SKAP1: variants seen among roughly 807,000 people sequenced by gnomAD.
SKAP1 encodes the protein src kinase associated phosphoprotein 1.
Under a neutral mutation model 58.5 loss-of-function variants are expected in SKAP1, and 44 were observed. The observed-to-expected ratio is 0.75, with a 90% confidence interval of 0.59 to 0.97. The LOEUF (loss-of-function observed/expected upper bound fraction) is 0.97, where lower values mean the gene tolerates loss of function less well. Ranked by LOEUF, SKAP1 falls within the 50% of genes least tolerant of loss-of-function variation. The pLI is 0.00. For missense variants in SKAP1, 390 were observed against 435.2 expected, an observed-to-expected ratio of 0.90 and a Z score of 0.92; for synonymous variants, 127 against 149.7, an observed-to-expected ratio of 0.85 and a Z score of 1.11.
Position 48,356,970 on chromosome 17 carries a change from A to G in SKAP1, c.178+6819T>C, listed in dbSNP as rs1045784169. 4.6e-5 allele frequency among the ~76,000 whole-genome samples: 7 copies of G among 152,182 alleles called. No individual in the cohort carries two copies. In the South Asian group the frequency reaches 1.4e-3, roughly 32 times the overall value. On this transcript the variant is annotated intron_variant, in intron 3 of 12. Coordinates refer to ENST00000336915, the MANE Select transcript of SKAP1 (RefSeq NM_003726.4). ...TTTCATCTAACAATACTCCTTGGAG[A>G]ACCTTCCATATTACGTATTACATAC...
At position 48,180,197 on chromosome 17, in the gene SKAP1, T is replaced by C. The variant is rs1271285621; in HGVS notation, c.683A>G (p.Lys228Arg). 6 of 1,612,350 alleles carry C rather than the reference T, an allele frequency of 3.7e-6. No homozygotes were observed. The highest frequency in any genetic ancestry group is 5.1e-6 in the Non-Finnish European group (6 of 1,179,126). Residue 228 changes from lysine (K) to arginine (R), a missense_variant, in exon 9 of 13, where the codon AAA becomes AGA. Transcript: ENST00000336915. ...ATCAATATCATCATATGTCTCTTCT[T>C]TTTCTTCTTCCTCCTCATCCTCTTC... is the stretch of plus-strand genomic sequence containing the variant. ...PYEEDEEEEE[K>R]EETYDDIDGF... is the part of the protein sequence containing the mutation.
intron 4 of SKAP1, among the ~76,000 whole-genome samples, chr17:48,284,492 C>T (rs2065805952): frequency 6.6e-6 from 1 of 152,080 alleles, no homozygotes; most frequent in Non-Finnish European, 1.5e-5. Flanking sequence ...AGGTGATGAT[C>T]TATGAAGGAG....
chr17:48,179,769 A>G (rs2064342648), intron 9 of SKAP1, among the ~76,000 whole-genome samples: 1 of 152,326 alleles, frequency 6.6e-6, no homozygotes, highest in South Asian at 2.1e-4. Flanking sequence ...ACCAATAAAA[A>G]CCAACGTAAG....
intron 4 of SKAP1, among the ~76,000 whole-genome samples, chr17:48,336,100 G>T (rs956862196): frequency 1.3e-5 from 2 of 152,194 alleles, no homozygotes; most frequent in African/African-American, 4.8e-5. Flanking sequence ...AGAGAATTCT[G>T]ATCTCTTTCA....
intron 4 of SKAP1, among the ~76,000 whole-genome samples, chr17:48,271,362 C>CTTTTTTTT (rs35447830): frequency 9.7e-3 from 1,030 of 106,040 alleles, no homozygotes; most frequent in Non-Finnish European, 0.013. Flanking sequence ...TTCTTTGTTT[C>CTTTTTTTT]TTTTTTTTTT....
intron 4 of SKAP1, among the ~76,000 whole-genome samples, chr17:48,239,391 G>C (rs2065218466): frequency 6.6e-6 from 1 of 152,096 alleles, no homozygotes; most frequent in South Asian, 2.1e-4. Context: ...AATCCTCTCT[G>C]TGCCCTCTTT....
chr17:48,318,957 T>G (rs1343062878), intron 4 of SKAP1, among the ~76,000 whole-genome samples: 1 of 152,202 alleles, frequency 6.6e-6, no homozygotes, highest in Admixed American at 6.5e-5. Flanking sequence ...TTAATGTAAA[T>G]AACCTTCTTG....
In SKAP1 at chr17:48,172,063, G is replaced by GAAAACAC. The variant is rs2064226072; in HGVS notation, c.827-1405_827-1404insGTGTTTT. Reference sequence around the variant, plus strand: ...TGACAGAGCAAGACTCTGTCCTGGGGAAAAAACAAAAAACAAAAAACCCTC... The same window carrying GAAAACAC: ...TGACAGAGCAAGACTCTGTCCTGGGGAAAACACAAAAAACAAAAAACAAAAAACCCTC... On this transcript the variant is annotated intron_variant, in intron 9 of 12. Coordinates refer to ENST00000336915, the MANE Select transcript of SKAP1 (RefSeq NM_003726.4). Among the ~76,000 whole-genome samples, 3 of 151,936 alleles carry GAAAACAC rather than the reference G, an allele frequency of 2.0e-5. No homozygotes were observed. The South Asian group carries it at 6.2e-4, about 32-fold the overall frequency.
chr17:48,182,980 G>T (rs2064390544), intron 7 of SKAP1, among the ~76,000 whole-genome samples: 1 of 152,206 alleles, frequency 6.6e-6, no homozygotes, highest in Non-Finnish European at 1.5e-5. Flanking sequence ...ATGTGCAAAA[G>T]AACAGGAATG....
chr17:48,308,395 T>G (rs2066177669), intron 4 of SKAP1: 1 of 152,220 alleles, frequency 6.6e-6, no homozygotes, highest in Admixed American at 6.5e-5. Flanking sequence ...CTAGACCTAC[T>G]TTTGGATTTG....
chr17:48,167,023 C>T (rs1192732844), intron 10 of SKAP1, among the ~76,000 whole-genome samples: 1 of 152,104 alleles, frequency 6.6e-6, no homozygotes, highest in Non-Finnish European at 1.5e-5. Context: ...TGCCACCACA[C>T]CCAGCTAATC....
chr17:48,238,592 C>T (rs1476206633), intron 4 of SKAP1, among the ~76,000 whole-genome samples: 2 of 152,008 alleles, frequency 1.3e-5, no homozygotes, highest in South Asian at 2.1e-4. Flanking sequence ...AGGATGGTCT[C>T]GAACTCCTGG....
chr17:48,435,113 C>T (rs1326500290), upstream of SKAP1, among the ~76,000 whole-genome samples: 5 of 152,110 alleles, frequency 3.3e-5, no homozygotes, highest in African/African-American at 4.8e-5. Flanking sequence ...ACTCCAGCCT[C>T]GGCAACAAAG....
At chr17:48,401,848 G>A (rs755841050) in intron 1 of SKAP1, among the ~76,000 whole-genome samples, 1 of 152,164 alleles carries the variant, frequency 6.6e-6, no homozygotes, top group Non-Finnish European at 1.5e-5. Context: ...CCCACAGAAT[G>A]AGAGAAAAGC....
chr17:48,226,951 G>C (rs140718599), intron 4 of SKAP1, among the ~76,000 whole-genome samples: 6 of 152,254 alleles, frequency 3.9e-5, no homozygotes, highest in Non-Finnish European at 5.9e-5. Context: ...ATACCTTCCA[G>C]TTTGCCTGGA....
chr17:48,141,345 G>A (rs1032891785), intron 11 of SKAP1, among the ~76,000 whole-genome samples: 2 of 151,106 alleles, frequency 1.3e-5, no homozygotes. Flanking sequence ...GGAAACTTTC[G>A]GTGGGTTCCC....
chr17:48,186,459 TTTATTTA>T (rs1215931523), intron 6 of SKAP1, among the ~76,000 whole-genome samples: 3 of 68,734 alleles, frequency 4.4e-5, no homozygotes, highest in African/African-American at 3.1e-4. Context: ...GCAGTTTTTA[TTTATTTA>T]TTTATTTATT....
chr17:48,278,651 T>G (rs2065729706), intron 4 of SKAP1, among the ~76,000 whole-genome samples: 1 of 152,058 alleles, frequency 6.6e-6, no homozygotes, highest in African/African-American at 2.4e-5. Context: ...ATGGCAGGGA[T>G]GGAGAGTAAC....
At chr17:48,429,455 C>T (rs2067889237) in intron 1 of SKAP1, among the ~76,000 whole-genome samples, 1 of 152,188 alleles carries the variant, frequency 6.6e-6, no homozygotes, top group African/African-American at 2.4e-5. Flanking sequence ...GAACACACCA[C>T]AATGGGGGCA....
Sources: allele counts gnomAD v4.1 joint callset (sites outside exome capture counted in the v4.1 genomes callset), GRCh38; gene constraint gnomAD v4.1.1; transcripts MANE v1.5; gene names NCBI Gene and HGNC (gene_info 2026-07-23, HGNC 2026-07-21).